Variants in IRAK1BP1 observed in about 807,000 individuals in gnomAD.
IRAK1BP1 encodes interleukin-1 receptor-associated kinase 1-binding protein 1.
A neutral mutation model predicts 28.0 loss-of-function variants in IRAK1BP1; 24 were observed. The observed-to-expected ratio is 0.86, with a 90% CI of 0.62 to 1.20. IRAK1BP1 has a LOEUF of 1.20. Ranked by LOEUF, IRAK1BP1 falls within the 50% of genes most tolerant of loss-of-function variation. The pLI is 0.00. For missense variants in IRAK1BP1, 336 were observed against 316.7 expected, an observed-to-expected ratio of 1.06 and a Z score of -0.46; for synonymous variants, 131 against 116.3, an observed-to-expected ratio of 1.13 and a Z score of -0.81.
At chr6:78,913,334 C>CAA (rs149003513) in intron 4 of IRAK1BP1, among the ~76,000 whole-genome samples, 2 of 140,398 alleles carry the variant, frequency 1.4e-5, no homozygotes, top group Non-Finnish European at 1.6e-5. Context: ...GACTCTGTTT[C>CAA]AAAAAAAAAA....
intron 2 of IRAK1BP1, among the ~76,000 whole-genome samples, chr6:78,891,270 A>G (rs865959325): frequency 6.6e-6 from 1 of 152,200 alleles, no homozygotes; most frequent in African/African-American, 2.4e-5. Context: ...TCAGCTGTAA[A>G]CAATCATAAT....
downstream of IRAK1BP1, among the ~76,000 whole-genome samples, chr6:78,948,614 C>A (rs914379650): frequency 2.6e-5 from 4 of 152,110 alleles, no homozygotes; most frequent in African/African-American, 4.8e-5. Context: ...CCCACCTCAG[C>A]CTCTCAAGTA....
At chr6:78,910,899 A>G (rs1772396377) in intron 4 of IRAK1BP1, among the ~76,000 whole-genome samples, 2 of 152,234 alleles carry the variant, frequency 1.3e-5, no homozygotes, top group Non-Finnish European at 2.9e-5. Flanking sequence ...TTAGCACCCC[A>G]AGACGCTGCT....
chr6:78,908,519 T>G (rs1307899489), intron 4 of IRAK1BP1, among the ~76,000 whole-genome samples: 1 of 152,138 alleles, frequency 6.6e-6, no homozygotes, highest in Non-Finnish European at 1.5e-5. Context: ...TTTCCTATTT[T>G]TAGTAGAGAT....
the IRAK1BP1 span, chr6:78,958,396 T>C: frequency 2.2e-6 from 2 of 920,142 alleles, no homozygotes; most frequent in Non-Finnish European, 1.7e-6. Context: ...TTACAAACAG[T>C]ATGTTTTCTA....
chr6:78,891,175 C>CAAATAA (rs1771647598), intron 2 of IRAK1BP1, among the ~76,000 whole-genome samples: 2 of 151,924 alleles, frequency 1.3e-5, no homozygotes, highest in Admixed American at 1.3e-4. Flanking sequence ...AGAAAGCAAA[C>CAAATAA]AAATAAAAAT....
intron 4 of IRAK1BP1, among the ~76,000 whole-genome samples, chr6:78,931,523 A>T (rs1773044110): frequency 6.6e-6 from 1 of 152,178 alleles, no homozygotes; most frequent in African/African-American, 2.4e-5. Flanking sequence ...AGATATTGTG[A>T]GTCTGGTTCC....
chr6:78,883,789 C>T (rs891516959), intron 1 of IRAK1BP1, among the ~76,000 whole-genome samples: 16 of 152,198 alleles, frequency 1.1e-4, no homozygotes, highest in Middle Eastern at 3.4e-3. Flanking sequence ...TTCTGAGTAG[C>T]GTGATGAAAT....
the IRAK1BP1 span, among the ~76,000 whole-genome samples, chr6:78,960,645 T>C: frequency 6.6e-6 from 1 of 152,062 alleles, no homozygotes; most frequent in African/African-American, 2.4e-5. Flanking sequence ...AACTAAAGTC[T>C]AATATATTAG....
At chr6:78,971,039 T>A in the IRAK1BP1 span, 3 of 594,918 alleles carry the variant, frequency 5.0e-6, no homozygotes, top group Non-Finnish European at 8.7e-6. Flanking sequence ...TCTCAAGTTG[T>A]CTTAACATCA....
intron 4 of IRAK1BP1, chr6:78,939,267 T>G (rs1008869547): frequency 6.6e-6 from 1 of 151,744 alleles, no homozygotes; most frequent in African/African-American, 2.4e-5. Context: ...TTAATTTTAC[T>G]AATGATGCAA....
chr6:78,940,934 T>A, intron 4 of IRAK1BP1: 1 of 1,614,036 alleles, frequency 6.2e-7, no homozygotes, highest in East Asian at 2.2e-5. Flanking sequence ...CTTTTTTCGG[T>A]TACTTCTCCT....
At chr6:78,925,279 C>A (rs190057660) in intron 4 of IRAK1BP1, among the ~76,000 whole-genome samples, 63 of 152,036 alleles carry the variant, frequency 4.1e-4, no homozygotes, top group African/African-American at 1.4e-3. Context: ...ATGTAACAAA[C>A]CTGCACATTG....
chr6:78,974,279 G>A, the IRAK1BP1 span, among the ~76,000 whole-genome samples: 4 of 151,890 alleles, frequency 2.6e-5, no homozygotes, highest in Non-Finnish European at 5.9e-5. Flanking sequence ...AATGACTACT[G>A]GGTACATAAT....
At chr6:78,945,624 G>T in exon 5 of IRAK1BP1, 1 of 667,036 alleles carries the variant, frequency 1.5e-6, no homozygotes, top group Non-Finnish European at 2.6e-6. Flanking sequence ...GCTTTCTTAG[G>T]AAAGCTACTT....
In IRAK1BP1 at chr6:78,867,603, C is replaced by T; in HGVS notation, c.27C>T (p.Thr9=). ...TGTCTCTGCAAAAGACCCCTCCGAC[C>T]CGAGTGTTCGTGGAACTGGTTCCCT... MSLQKTPP[T]RVFVELVPWA... The change falls in exon 1 of 4, where the codon ACC becomes ACT. Residue 9 remains threonine, a synonymous_variant. Coordinates refer to ENST00000369940, the MANE Select transcript of IRAK1BP1 (RefSeq NM_001010844.4). 6.2e-7 allele frequency: 1 copy of T among 1,614,166 alleles called. No individual in the cohort carries two copies. Among genetic ancestry groups the T allele is most frequent in the Non-Finnish European group, 8.5e-7 (1 of 1,180,006 alleles).
chr6:78,940,548 GTTTT>G (rs36155238), intron 4 of IRAK1BP1: 23 of 82,710 alleles, frequency 2.8e-4, no homozygotes, highest in South Asian at 9.2e-4. Context: ...TCGTAAGTTT[GTTTT>G]TTTTTTTTTT....
chr6:78,946,000 C>G, exon 5 of IRAK1BP1: 1 of 1,599,232 alleles, frequency 6.3e-7, no homozygotes, highest in Non-Finnish European at 8.6e-7. Flanking sequence ...GTGAGTCTTA[C>G]TTGTTTTCCC....
chr6:78,933,631 C>G (rs1314558041), intron 4 of IRAK1BP1, among the ~76,000 whole-genome samples: 1 of 151,728 alleles, frequency 6.6e-6, no homozygotes, highest in African/African-American at 2.4e-5. Flanking sequence ...AAAACAAAAA[C>G]CAAAACCATC....
Sources: gnomAD v4.1 joint callset for allele counts (sites outside exome capture counted in the v4.1 genomes callset) on GRCh38, gnomAD v4.1.1 for gene constraint, MANE v1.5 for transcripts, NCBI Gene and HGNC (gene_info 2026-07-23, HGNC 2026-07-21) for gene names.